Variants in CARMIL1 observed in about 807,000 individuals in gnomAD.
CARMIL1 encodes the protein capping protein regulator and myosin 1 linker 1.
In CARMIL1, 90 loss-of-function variants were observed where a neutral mutation model predicts 177.1. That is an observed-to-expected ratio of 0.51 (90% CI 0.43 to 0.61). The LOEUF (loss-of-function observed/expected upper bound fraction) is 0.61. Among genes scored for constraint, CARMIL1 ranks in the 20% least tolerant of loss-of-function variants. CARMIL1 has a pLI of 0.00. For synonymous variants in CARMIL1, 577 were observed against 606.2 expected (o/e 0.95, Z 0.71); for missense variants, 1,380 against 1,667.0 (o/e 0.83, Z 3.00).
intron 21 of CARMIL1, among the ~76,000 whole-genome samples, chr6:25,517,105 T>C (rs1806077638): frequency 6.6e-6 from 1 of 152,218 alleles, no homozygotes. Flanking sequence ...AGTGAACATA[T>C]GTGCTATTGC....
At chr6:25,308,152 A>G (rs1379475437) in intron 2 of CARMIL1, among the ~76,000 whole-genome samples, 2 of 152,170 alleles carry the variant, frequency 1.3e-5, no homozygotes, top group Non-Finnish European at 2.9e-5. Context: ...AGTTTCTCTT[A>G]GCCCTTATTT....
chr6:25,360,179 C>A (rs375662340), intron 2 of CARMIL1, among the ~76,000 whole-genome samples: 6 of 152,176 alleles, frequency 3.9e-5, no homozygotes, highest in African/African-American at 9.7e-5. Flanking sequence ...ATTAAAAATC[C>A]TATTAATAGA....
At chr6:25,375,709 G>A (rs1790902869) in intron 2 of CARMIL1, among the ~76,000 whole-genome samples, 1 of 151,828 alleles carries the variant, frequency 6.6e-6, no homozygotes, top group African/African-American at 2.4e-5. Flanking sequence ...TTTTTGTCTG[G>A]GTTAATTTGA....
chr6:25,326,263 A>C lies in CARMIL1; in HGVS notation c.138+41354A>C, dbSNP rs567054944. Among the ~76,000 whole-genome samples, 1 of 152,314 alleles carries C rather than the reference A, an allele frequency of 6.6e-6. No homozygotes were observed. The highest frequency in any genetic ancestry group is 6.5e-5 in the Admixed American group (1 of 15,298). ...GAGTGAGGGAAAGGGGTTTCCAGGC[A>C]GATTCAATATATTGTGCAAAGGCCC... On this transcript the variant is annotated intron_variant, in intron 2 of 36. Transcript: ENST00000329474. This position sits in a 1 kb window ranked among gnomAD's most constrained non-coding sequence, Gnocchi z 4.2.
chr6:25,288,496 T>C lies in CARMIL1; in HGVS notation c.138+3587T>C, dbSNP rs567665360. Among the ~76,000 whole-genome samples the C allele has an allele frequency of 7.3e-3, 1,103 of 150,770 alleles. 11 individuals carry two copies. Among genetic ancestry groups the C allele is most frequent in the African/African-American group, 0.024 (996 of 40,760 alleles). The stretch of plus-strand genomic sequence containing the variant: ...GAATCAGGTTTTTTTTTTTTTTTTT[T>C]CCGTATGGAAAAAATCTTATGTTAT... On this transcript the variant is annotated intron_variant, in intron 2 of 36. Transcript: ENST00000329474.
intron 2 of CARMIL1, among the ~76,000 whole-genome samples, chr6:25,316,949 A>T (rs1463933683): frequency 6.6e-6 from 1 of 152,192 alleles, no homozygotes; most frequent in South Asian, 2.1e-4. Context: ...TGTCTTTCTA[A>T]AGTAAGATTT....
At chr6:25,386,444 G>A (rs1792168359) in intron 2 of CARMIL1, among the ~76,000 whole-genome samples, 3 of 151,996 alleles carry the variant, frequency 2.0e-5, no homozygotes, top group Admixed American at 1.3e-4. Flanking sequence ...AGTAGAGATG[G>A]GGTTTCACCA....
intron 2 of CARMIL1, among the ~76,000 whole-genome samples, chr6:25,377,864 G>T (rs1791146434): frequency 6.6e-6 from 1 of 152,184 alleles, no homozygotes; most frequent in Non-Finnish European, 1.5e-5. Context: ...AAGAGTACCA[G>T]CTGTGGTGGT....
intron 29 of CARMIL1, among the ~76,000 whole-genome samples, chr6:25,568,232 T>C (rs1296095406): frequency 6.6e-6 from 1 of 152,238 alleles, no homozygotes; most frequent in Admixed American, 6.5e-5. Flanking sequence ...TATAAATGTA[T>C]TTCTTGGATT....
At chr6:25,535,765 T>G (rs1808238034) in intron 24 of CARMIL1, among the ~76,000 whole-genome samples, 2 of 152,234 alleles carry the variant, frequency 1.3e-5, no homozygotes, top group South Asian at 4.1e-4. Context: ...TTTTCAAAAT[T>G]TTCAATCTGT....
intron 23 of CARMIL1, among the ~76,000 whole-genome samples, chr6:25,520,551 A>G (rs1806452225): frequency 6.6e-6 from 1 of 152,208 alleles, no homozygotes; most frequent in Admixed American, 6.5e-5. Context: ...CATACAATTT[A>G]AGTGGAATAA....
At chr6:25,524,373 T>C (rs148142124) in intron 23 of CARMIL1, among the ~76,000 whole-genome samples, 433 of 152,310 alleles carry the variant, frequency 2.8e-3, no homozygotes, top group African/African-American at 8.5e-3. Flanking sequence ...ACACAGATTG[T>C]AATTAAGAAA....
chr6:25,446,810 A>G (rs1399676593), intron 5 of CARMIL1, among the ~76,000 whole-genome samples: 1 of 152,172 alleles, frequency 6.6e-6, no homozygotes, highest in Non-Finnish European at 1.5e-5. Context: ...TTTTACTTGA[A>G]CACTTAGAGG....
At chr6:25,517,497 A>C (rs1022157582) in intron 22 of CARMIL1, 82 bp downstream of exon 22, 1 of 1,049,068 alleles carries the variant, frequency 9.5e-7, no homozygotes, top group Non-Finnish European at 1.4e-6. Flanking sequence ...GGGTAATAGA[A>C]TCAACTGTTT....
chr6:25,529,657 AGAATGGCG>A (rs1807524620), intron 24 of CARMIL1, among the ~76,000 whole-genome samples: 1 of 94,626 alleles, frequency 1.1e-5, no homozygotes, highest in South Asian at 3.7e-4. Context: ...ATAGGCTGCT[AGAATGGCG>A]TGAACCCGGG....
chr6:25,609,662 T>C (rs1420215845), intron 35 of CARMIL1, among the ~76,000 whole-genome samples: 1 of 152,194 alleles, frequency 6.6e-6, no homozygotes, highest in Non-Finnish European at 1.5e-5. Flanking sequence ...ATAGTGACTA[T>C]TGTACTGGGT....
Position 25,482,240 on chromosome 6 carries a change from T to G in CARMIL1, c.875-17T>G. On this transcript the variant is annotated splice_polypyrimidine_tract_variant and intron_variant, in intron 11 of 36. Transcript: ENST00000329474. Reference sequence around the variant, plus strand: ...TGAGAACTTGAAAATTCTAATCGCTTCTTTTTCCTTTCTCAGGTGTGTCCT... The same window carrying G: ...TGAGAACTTGAAAATTCTAATCGCTGCTTTTTCCTTTCTCAGGTGTGTCCT... 7.3e-7 allele frequency: 1 copy of G among 1,362,226 alleles called. No homozygotes were observed. The highest frequency in any genetic ancestry group is 1.0e-6 in the Non-Finnish European group (1 of 972,510). 84.4% of individuals were successfully genotyped at this position (1,362,226 alleles called of 1,614,324 possible).
intron 2 of CARMIL1, among the ~76,000 whole-genome samples, chr6:25,370,933 G>C (rs1438704794): frequency 6.6e-6 from 1 of 151,558 alleles, no homozygotes; most frequent in African/African-American, 2.4e-5. Flanking sequence ...CCCCTCTTCT[G>C]AGTCACCAAA....
chr6:25,307,025 C>A (rs1302883821), intron 2 of CARMIL1, among the ~76,000 whole-genome samples: 2 of 151,962 alleles, frequency 1.3e-5, no homozygotes, highest in Admixed American at 1.3e-4. Flanking sequence ...CTTACAGGCG[C>A]CTGCCACCAC....
Sources: gnomAD v4.1 joint callset for allele counts (sites outside exome capture counted in the v4.1 genomes callset) on GRCh38, gnomAD v4.1.1 for gene constraint, Gnocchi (gnomAD v3.1) non-coding constraint, MANE v1.5 for transcripts, NCBI Gene and HGNC (gene_info 2026-07-23, HGNC 2026-07-21) for gene names.